The following ATP1B4 variants were observed in gnomAD, a reference collection of about 807,000 sequenced individuals.
ATP1B4 encodes ATPase Na+/K+ transporting family member beta 4.
In ATP1B4, 32 loss-of-function variants were observed where a neutral mutation model predicts 29.6. That is an observed-to-expected ratio of 1.08 (90% confidence interval 0.82 to 1.45). ATP1B4 has a LOEUF of 1.45. Among genes scored for constraint, ATP1B4 ranks in the 40% most tolerant of loss-of-function variants. The pLI, the probability that ATP1B4 is intolerant of heterozygous loss-of-function variation, is 0.00. For missense variants in ATP1B4, 323 were observed against 276.2 expected (o/e 1.17, Z -1.20); for synonymous variants, 127 against 102.1 (o/e 1.24, Z -1.47).
chrX:120,372,953 G>A (rs937933695), intron 4 of ATP1B4, among the ~76,000 whole-genome samples: 2 of 112,137 alleles, frequency 1.8e-5, no homozygotes, highest in African/African-American at 3.2e-5. Context: ...GCTTGCAAGC[G>A]ATTGCAAATA....
Position 120,378,791 on chromosome X carries a change from T to C in ATP1B4, c.912+18T>C, listed in dbSNP as rs1334416697. On this transcript the variant is annotated intron_variant, in intron 7 of 7. Transcript: ENST00000218008. ...TGACTCACGTAAGCTGTATTCCCTT[T>C]AGTCATTGCTGTCAGAAAGGGCTCA... 1 of 1,172,054 alleles carries C rather than the reference T, an allele frequency of 8.5e-7. No homozygotes were observed. The highest frequency in any genetic ancestry group is 1.2e-6 in the Non-Finnish European group (1 of 859,828).
At chrX:120,372,444 A>G (rs1393463180) in intron 4 of ATP1B4, among the ~76,000 whole-genome samples, 1 of 112,128 alleles carries the variant, frequency 8.9e-6, no homozygotes, top group Non-Finnish European at 1.9e-5. Context: ...AAAGTTGATC[A>G]CGCTCATTTT....
intron 4 of ATP1B4, among the ~76,000 whole-genome samples, chrX:120,372,815 C>T (rs1265226869): frequency 8.9e-6 from 1 of 112,355 alleles, no homozygotes; most frequent in Non-Finnish European, 1.9e-5. Context: ...GTCTGAGCTT[C>T]AGATTCCTTA....
At chrX:120,363,633 G>C (rs1010651529) in intron 1 of ATP1B4, among the ~76,000 whole-genome samples, 1 of 111,935 alleles carries the variant, frequency 8.9e-6, no homozygotes, top group Non-Finnish European at 1.9e-5. Flanking sequence ...GGGTCATACT[G>C]TTTGTTTATA....
At chrX:120,377,293 G>A (rs1007441222) in intron 6 of ATP1B4, among the ~76,000 whole-genome samples, 6 of 112,273 alleles carry the variant, frequency 5.3e-5, no homozygotes, top group African/African-American at 1.3e-4. Flanking sequence ...TAGAAGTGTC[G>A]AGGTAAGAGT....
chrX:120,374,583 A>G (rs868349677), intron 4 of ATP1B4, among the ~76,000 whole-genome samples: 1 of 48,264 alleles, frequency 2.1e-5, no homozygotes, highest in African/African-American at 7.4e-5. Context: ...CCTTATATAT[A>G]ATATATATAT....
In ATP1B4 at chrX:120,381,525, A is replaced by C. The variant is rs1420474200; in HGVS notation, c.*1891A>C. ...GAGTGCAGTGGTGTGATCTCGGCTC[A>C]CTGCAACCTCCACCTCCCGGATTCA... On this transcript the variant is annotated 3_prime_UTR_variant, in exon 8 of 8. Transcript: ENST00000218008. The C allele has an allele frequency of 9.1e-6, 1 of 109,955 alleles. No homozygotes were observed. The allele number at this position is 109,955 out of a possible 1,213,427, so 9.1% of individuals were successfully genotyped here.
intron 2 of ATP1B4, among the ~76,000 whole-genome samples, chrX:120,369,193 T>C (rs1007062056): frequency 2.7e-5 from 3 of 111,791 alleles, no homozygotes; most frequent in Non-Finnish European, 5.6e-5. Context: ...AGGGATGGGG[T>C]AAAGGAATGG....
intron 4 of ATP1B4, among the ~76,000 whole-genome samples, chrX:120,374,603 TATAA>T (rs2058332918): frequency 3.3e-5 from 1 of 30,130 alleles, no homozygotes; most frequent in African/African-American, 1.1e-4. Context: ...TACCCTTATA[TATAA>T]TATATATATA....
At chrX:120,371,387 T>A (rs1231151710) in intron 4 of ATP1B4, among the ~76,000 whole-genome samples, 177 bp downstream of exon 4, 1 of 111,950 alleles carries the variant, frequency 8.9e-6, no homozygotes, top group East Asian at 2.8e-4. Context: ...TGCTCTAGTG[T>A]GTGATTGTAT....
chrX:120,380,044 G>A lies in ATP1B4; in HGVS notation c.*410G>A, dbSNP rs2058374940. 1 of 116,011 alleles carries A rather than the reference G, an allele frequency of 8.6e-6. No homozygotes were observed. Among genetic ancestry groups the A allele is most frequent in the Non-Finnish European group, 1.8e-5 (1 of 56,460 alleles). The allele number at this position is 116,011 out of a possible 1,213,427, so 9.6% of individuals were successfully genotyped here. A position where few individuals can be genotyped will look rare whatever the true frequency, so the allele number is the denominator to read the frequency against. On this transcript the variant is annotated 3_prime_UTR_variant, in exon 8 of 8. Transcript: ENST00000218008. Reference sequence around the variant, plus strand: ...TTAGAGGTCAGATTCCTCCCAACCAGGCTAATAACCTAACACATGTTTAAA... The same window carrying A: ...TTAGAGGTCAGATTCCTCCCAACCAAGCTAATAACCTAACACATGTTTAAA...
intron 2 of ATP1B4, among the ~76,000 whole-genome samples, chrX:120,366,994 G>A (rs1343463733): frequency 8.9e-6 from 1 of 112,562 alleles, no homozygotes; most frequent in Non-Finnish European, 1.9e-5. Flanking sequence ...ACTTGATTGT[G>A]TAACCAAAAC....
rs757264714 is a variant in ATP1B4, at chrX:120,383,026, T to C, written c.*3392T>C. 2.0e-4 allele frequency: 22 copies of C among 112,376 alleles called. 1 individual carries two copies. The highest frequency in any genetic ancestry group is 5.6e-5 in the Non-Finnish European group (3 of 53,226). 9.3% of individuals were successfully genotyped at this position (112,376 alleles called of 1,213,427 possible). A position where few individuals can be genotyped will look rare whatever the true frequency, so the allele number is the denominator to read the frequency against. ...TCTGTTGCAATGCACTTGGTTTTAC[T>C]TGCTTGTCAATGAGAAATACTACTT... On this transcript the variant is annotated 3_prime_UTR_variant, in exon 8 of 8. Transcript: ENST00000218008.
At chrX:120,375,945 TA>T (rs971826981) in intron 5 of ATP1B4, among the ~76,000 whole-genome samples, 3 of 111,391 alleles carry the variant, frequency 2.7e-5, no homozygotes, top group African/African-American at 9.8e-5. Context: ...TTTAATTTTT[TA>T]AAAAAGTATT....
chrX:120,372,518 C>T (rs111466633), intron 4 of ATP1B4, among the ~76,000 whole-genome samples: 42 of 111,904 alleles, frequency 3.8e-4, no homozygotes, highest in African/African-American at 1.3e-3. Context: ...GGCAGCAGAA[C>T]CAGTGTTTGA....
At position 120,366,540 on chromosome X, in the gene ATP1B4, G is replaced by T. The variant is rs780982037; in HGVS notation, c.79G>T (p.Ala27Ser). 5 of 1,206,465 alleles carry T rather than the reference G, an allele frequency of 4.1e-6. No individual in the cohort carries two copies. Among genetic ancestry groups the T allele is most frequent in the South Asian group, 3.5e-5 (2 of 56,451 alleles). Residue 27 changes from alanine (A) to serine (S), a missense_variant, in exon 2 of 8, where the codon GCG becomes TCG. Physicochemically the swap from Ala to Ser is moderately conservative, Grantham distance 99. Transcript: ENST00000218008. ...YRYRLDDPDE[A>S]NQNYLADEEE... ...ACTGTTCCAGGATGATCCGGATGAAGCGAACCAGAACTACTTAGCAGATGA... is the reference window on the plus strand; with the variant it reads ...ACTGTTCCAGGATGATCCGGATGAATCGAACCAGAACTACTTAGCAGATGA...
intron 2 of ATP1B4, among the ~76,000 whole-genome samples, chrX:120,369,115 C>T (rs772950423): frequency 1.8e-5 from 2 of 112,390 alleles, no homozygotes; most frequent in South Asian, 7.4e-4. Context: ...CATTGCTTTC[C>T]CTTCATCCAT....
chrX:120,372,213 CA>C (rs1260013319), intron 4 of ATP1B4, among the ~76,000 whole-genome samples: 2 of 110,542 alleles, frequency 1.8e-5, no homozygotes, highest in African/African-American at 6.5e-5. Context: ...AGAGGAGCTC[CA>C]GTGGGGTTTG....
chrX:120,370,892 T>C (rs1211040423), intron 3 of ATP1B4, 49 bp downstream of exon 3: 1 of 1,187,280 alleles, frequency 8.4e-7, no homozygotes, highest in African/African-American at 1.7e-5. Context: ...TGGACAGAAA[T>C]ATGCTTGCAC....
Sources: allele counts gnomAD v4.1 joint callset (sites outside exome capture counted in the v4.1 genomes callset), GRCh38; gene constraint gnomAD v4.1.1; transcripts MANE v1.5; gene names NCBI Gene and HGNC (gene_info 2026-07-23, HGNC 2026-07-21).